CINP: variants seen among roughly 807,000 people sequenced by gnomAD.
CINP encodes the protein cyclin-dependent kinase 2-interacting protein.
Under a neutral mutation model 20.5 loss-of-function variants are expected in CINP, and 11 were observed. The observed-to-expected ratio is 0.54, with a 90% CI of 0.34 to 0.89. The LOEUF (loss-of-function observed/expected upper bound fraction) is 0.89, where lower values mean the gene tolerates loss of function less well. Among genes scored for constraint, CINP ranks in the 40% least tolerant of loss-of-function variants. The pLI is 0.02. For synonymous variants in CINP, 108 were observed against 102.1 expected, an observed-to-expected ratio of 1.06 and a Z score of -0.35; for missense variants, 213 against 251.0, an observed-to-expected ratio of 0.85 and a Z score of 1.02.
Position 102,355,981 on chromosome 14 carries a change from T to C in CINP, c.177-84A>G, listed in dbSNP as rs1420940038. ...TTATAATAAATTCTACAAACCTCTA[T>C]ATCCACATAGTTACGTGGGACATTT... On this transcript the variant is annotated intron_variant, in intron 2 of 4. Coordinates refer to ENST00000216756, the MANE Select transcript of CINP (RefSeq NM_032630.3). The C allele has an allele frequency of 6.4e-6, 9 of 1,409,096 alleles. No homozygotes were observed. The East Asian group carries it at 1.7e-4, about 26-fold the overall frequency. The allele number at this position is 1,409,096 out of a possible 1,614,324, so 87.3% of individuals were successfully genotyped here.
At chr14:102,350,135 G>A (rs1384027606) in intron 3 of CINP, 87 bp from the exon 4 acceptor site, 81 of 1,250,642 alleles carry the variant, frequency 6.5e-5, no homozygotes, top group Middle Eastern at 6.1e-4. Flanking sequence ...AAGCTAAGAA[G>A]TGTAAGTCTA....
intron 2 of CINP, among the ~76,000 whole-genome samples, chr14:102,358,183 G>A (rs1026387771): frequency 1.8e-4 from 27 of 152,190 alleles, no homozygotes; most frequent in Admixed American, 5.2e-4. Flanking sequence ...AGCAAAGAAG[G>A]TGGTTTCTTG....
At chr14:102,353,185 C>T (rs535601749) in intron 3 of CINP, among the ~76,000 whole-genome samples, 7 of 151,778 alleles carry the variant, frequency 4.6e-5, no homozygotes, top group African/African-American at 1.4e-4. Context: ...AAATCTCCCA[C>T]GCAGAATAAT....
Position 102,348,594 on chromosome 14 carries a change from T to A in CINP, c.602A>T (p.Glu201Val). ...GTGGCCTGTCTCCAGCAGCATGCTC[T>A]CCAGATGCAGCCTGCTGTCGCTCTC... ...YVESDSRLHL[E>V]SMLLETGHRA... Residue 201 changes from glutamate (E) to valine (V), a missense_variant, in exon 5 of 5, where the codon GAG (glutamate) becomes GTG (valine). Transcript: ENST00000216756. The A allele has an allele frequency of 5.6e-6, 9 of 1,613,332 alleles. No homozygotes were observed. The highest frequency in any genetic ancestry group is 7.6e-6 in the Non-Finnish European group (9 of 1,179,840).
In CINP at chr14:102,348,298, AT is replaced by A. The variant is rs1161767240; in HGVS notation, c.*258del. 1.6e-5 allele frequency: 8 copies of A among 513,332 alleles called. No individual in the cohort carries two copies. Among genetic ancestry groups the A allele is most frequent in the Non-Finnish European group, 2.5e-5 (7 of 285,700 alleles). 31.8% of individuals were successfully genotyped at this position (513,332 alleles called of 1,614,324 possible). On this transcript the variant is annotated 3_prime_UTR_variant, in exon 5 of 5. Coordinates refer to ENST00000216756, the MANE Select transcript of CINP (RefSeq NM_032630.3). The stretch of plus-strand genomic sequence containing the variant: ...ACTCACTCATTCTGCTCAGAAACTC[AT>A]TGATTTTACTCTGAAGCACCCACGA...
At chr14:102,362,818 C>A in intron 1 of CINP, 27 bp downstream of exon 1, 1 of 1,613,968 alleles carries the variant, frequency 6.2e-7, no homozygotes, top group Non-Finnish European at 8.5e-7. Flanking sequence ...GCCACCCCAC[C>A]CCGGGAAAGG....
At chr14:102,353,954 T>A (rs963363051) in intron 3 of CINP, among the ~76,000 whole-genome samples, 1 of 152,158 alleles carries the variant, frequency 6.6e-6, no homozygotes, top group Non-Finnish European at 1.5e-5. Flanking sequence ...CCGGGCATGA[T>A]GGTTCATGCT....
chr14:102,360,421 AC>A (rs1240495369), intron 1 of CINP, among the ~76,000 whole-genome samples: 1 of 151,334 alleles, frequency 6.6e-6, no homozygotes, highest in Admixed American at 6.6e-5. Context: ...TCTACTTTGA[AC>A]CCCACAAAGG....
Position 102,361,618 on chromosome 14 carries a change from G to A in CINP, c.7+1227C>T, listed in dbSNP as rs559176562. 9.2e-5 allele frequency among the ~76,000 whole-genome samples: 14 copies of A among 152,068 alleles called. No individual in the cohort carries two copies. In the East Asian group the frequency reaches 1.5e-3, roughly 17 times the overall value. On this transcript the variant is annotated intron_variant, in intron 1 of 4. Coordinates refer to ENST00000216756, the MANE Select transcript of CINP (RefSeq NM_032630.3). ...ATCGCGCCACTGCACTCCAGCCTGG[G>A]TGACAGAGCGAGACTCCGTCTCAAA... is the stretch of plus-strand genomic sequence containing the variant.
intron 2 of CINP, 136 bp downstream of exon 2, chr14:102,359,278 GTACAA>G (rs1202676606): frequency 7.2e-6 from 2 of 277,126 alleles, no homozygotes; most frequent in Non-Finnish European, 1.3e-5. Context: ...TATTTAAAAT[GTACAA>G]TACAATTTAT....
chr14:102,362,186 A>G (rs1887179707), intron 1 of CINP, among the ~76,000 whole-genome samples: 1 of 152,206 alleles, frequency 6.6e-6, no homozygotes, highest in Admixed American at 6.5e-5. Context: ...CCTGACTCAT[A>G]CGGGGCACAT....
chr14:102,361,877 TC>T (rs1887171800), intron 1 of CINP, among the ~76,000 whole-genome samples: 1 of 152,192 alleles, frequency 6.6e-6, no homozygotes, highest in Non-Finnish European at 1.5e-5. Context: ...TATTCCTGGA[TC>T]CCCCAGGTTG....
chr14:102,356,165 A>G (rs1000122468), intron 2 of CINP, among the ~76,000 whole-genome samples: 28 of 152,130 alleles, frequency 1.8e-4, no homozygotes, highest in Admixed American at 2.6e-4. Flanking sequence ...CTGTAATCCC[A>G]ACACTTTGAG....
At chr14:102,359,222 A>ATATATATAT (rs1280647444) in intron 2 of CINP, among the ~76,000 whole-genome samples, 197 bp downstream of exon 2, 4 of 108,622 alleles carry the variant, frequency 3.7e-5, no homozygotes, top group African/African-American at 1.2e-4. Context: ...ATAAATAAAT[A>ATATATATAT]ACTAAATATA....
intron 3 of CINP, among the ~76,000 whole-genome samples, chr14:102,353,931 T>A (rs1161661153): frequency 6.6e-6 from 1 of 151,940 alleles, no homozygotes; most frequent in Non-Finnish European, 1.5e-5. Context: ...TACAAACGAA[T>A]TTTAAAAATT....
At chr14:102,356,647 C>T (rs961759762) in intron 2 of CINP, among the ~76,000 whole-genome samples, 4 of 152,182 alleles carry the variant, frequency 2.6e-5, no homozygotes, top group African/African-American at 9.7e-5. Flanking sequence ...CAATCAGCAC[C>T]ATTTTGCCAA....
At position 102,351,219 on chromosome 14, in the gene CINP, C is replaced by T. The variant is rs1434468535; in HGVS notation, c.307-1171G>A. Among the ~76,000 whole-genome samples the T allele has an allele frequency of 2.6e-5, 4 of 152,160 alleles. No individual in the cohort carries two copies. The highest frequency in any genetic ancestry group is 1.9e-4 in the East Asian group (1 of 5,200). ...CAGAAAGGGAGCCCTACACACTTCACGCAGAAAGGAAGGAAACGTGGCAAG... is the reference window on the plus strand; with the variant it reads ...CAGAAAGGGAGCCCTACACACTTCATGCAGAAAGGAAGGAAACGTGGCAAG... On this transcript the variant is annotated intron_variant, in intron 3 of 4. Coordinates refer to ENST00000216756, the MANE Select transcript of CINP (RefSeq NM_032630.3). The surrounding 1 kb of genome is among the most constrained non-coding windows in gnomAD (Gnocchi z 4.2).
intron 4 of CINP, among the ~76,000 whole-genome samples, 200 bp downstream of exon 4, chr14:102,349,717 CTA>C (rs2139624247): frequency 1.3e-5 from 2 of 152,258 alleles, no homozygotes; most frequent in South Asian, 4.1e-4. Context: ...TCACGGGTCT[CTA>C]TGTTTCATAT....
At chr14:102,355,716 C>T (rs926696683) in intron 3 of CINP, 52 bp downstream of exon 3, 11 of 1,602,492 alleles carry the variant, frequency 6.9e-6, no homozygotes, top group Admixed American at 3.4e-5. Flanking sequence ...CCAAATACGT[C>T]CATCGGATTC....
Sources: gnomAD v4.1 joint callset for allele counts (sites outside exome capture counted in the v4.1 genomes callset) on GRCh38, gnomAD v4.1.1 for gene constraint, Gnocchi (gnomAD v3.1) non-coding constraint, MANE v1.5 for transcripts, NCBI Gene and HGNC (gene_info 2026-07-23, HGNC 2026-07-21) for gene names.